TFEC: variants seen among roughly 807,000 people sequenced by gnomAD.
TFEC encodes the protein class E basic helix-loop-helix protein 34.
A neutral mutation model predicts 41.6 loss-of-function variants in TFEC; 31 were observed. The observed-to-expected ratio is 0.74, with a 90% CI of 0.56 to 1.01. The LOEUF (loss-of-function observed/expected upper bound fraction) is 1.01, where lower values mean the gene tolerates loss of function less well. Among genes scored for constraint, TFEC ranks in the 50% least tolerant of loss-of-function variants. The pLI, the probability that TFEC is intolerant of heterozygous loss-of-function variation, is 0.00. For missense variants in TFEC, 402 were observed against 404.1 expected, an observed-to-expected ratio of 0.99 and a Z score of 0.04; for synonymous variants, 143 against 140.6, an observed-to-expected ratio of 1.02 and a Z score of -0.12.
intron 3 of TFEC, among the ~76,000 whole-genome samples, chr7:116,074,355 T>C (rs1796905324): frequency 6.6e-6 from 1 of 151,764 alleles, no homozygotes; most frequent in Non-Finnish European, 1.5e-5. Flanking sequence ...TTGCAAATTA[T>C]ATGCACGACA....
At chr7:116,103,288 G>A (rs1584519353) in intron 3 of TFEC, among the ~76,000 whole-genome samples, 1 of 152,166 alleles carries the variant, frequency 6.6e-6, no homozygotes, top group Non-Finnish European at 1.5e-5. Flanking sequence ...ACACCAGAAA[G>A]TGGAAAGTTC....
intron 1 of TFEC, among the ~76,000 whole-genome samples, chr7:116,155,012 G>A (rs760743948): frequency 9.2e-5 from 14 of 152,220 alleles, no homozygotes; most frequent in Admixed American, 2.6e-4. Flanking sequence ...ATGCACCCCC[G>A]GAAGTCACAA....
At chr7:116,067,556 T>G (rs1467628021) in intron 3 of TFEC, among the ~76,000 whole-genome samples, 1 of 152,044 alleles carries the variant, frequency 6.6e-6, no homozygotes, top group Non-Finnish European at 1.5e-5. Context: ...GGCAATTTCT[T>G]CTTATACAGA....
At chr7:116,057,438 A>G (rs1796455845) in intron 3 of TFEC, among the ~76,000 whole-genome samples, 1 of 152,024 alleles carries the variant, frequency 6.6e-6, no homozygotes, top group African/African-American at 2.4e-5. Flanking sequence ...TATTCAACAA[A>G]GACATATTTT....
intron 1 of TFEC, among the ~76,000 whole-genome samples, chr7:115,992,358 G>C (rs1293798059): frequency 1.3e-5 from 2 of 152,164 alleles, no homozygotes. Context: ...ACTAAGATCA[G>C]AGCAGAACTG....
chr7:116,003,564 A>G (rs769735589), intron 1 of TFEC, among the ~76,000 whole-genome samples: 2 of 152,192 alleles, frequency 1.3e-5, no homozygotes, highest in African/African-American at 2.4e-5. Flanking sequence ...CACTTCTGCC[A>G]GAAATGATTG....
intron 1 of TFEC, among the ~76,000 whole-genome samples, chr7:116,119,927 T>C (rs1464897312): frequency 2.0e-5 from 3 of 151,120 alleles, no homozygotes; most frequent in African/African-American, 7.3e-5. Flanking sequence ...TCAGAATAGT[T>C]AATTACATTG....
Position 115,936,892 on chromosome 7 carries a change from T to A in TFEC, c.*3659A>T, listed in dbSNP as rs920467194. 24 of 151,588 alleles carry A rather than the reference T, an allele frequency of 1.6e-4. No individual in the cohort carries two copies. The highest frequency in any genetic ancestry group is 3.0e-4 in the Non-Finnish European group (20 of 67,680). The allele number at this position is 151,588 out of a possible 1,614,324, so 9.4% of individuals were successfully genotyped here. Reference sequence around the variant, plus strand: ...GGCTATTTATTATTTAGGGCTTTTTTAAAAACCTATATAAAGAAAGCCATG... The same window carrying A: ...GGCTATTTATTATTTAGGGCTTTTTAAAAAACCTATATAAAGAAAGCCATG... On this transcript the variant is annotated 3_prime_UTR_variant, in exon 8 of 8. Coordinates refer to ENST00000265440, the MANE Select transcript of TFEC (RefSeq NM_012252.4).
At chr7:116,127,874 C>T (rs1317209021) in intron 1 of TFEC, among the ~76,000 whole-genome samples, 1 of 151,990 alleles carries the variant, frequency 6.6e-6, no homozygotes, top group Non-Finnish European at 1.5e-5. Context: ...CCACACCCCA[C>T]TTTTATGTTA....
chr7:116,045,303 G>A (rs746713482), intron 3 of TFEC, among the ~76,000 whole-genome samples: 2 of 152,188 alleles, frequency 1.3e-5, no homozygotes, highest in African/African-American at 4.8e-5. Context: ...TGAGACTGGC[G>A]GCATTTTGCC....
chr7:115,937,864 A>G lies in TFEC; in HGVS notation c.*2687T>C, dbSNP rs935603279. On this transcript the variant is annotated 3_prime_UTR_variant, in exon 8 of 8. Transcript: ENST00000265440. ...ATGCATGTGAATTATTGTCCATATA[A>G]ACAGTTCTATACTTTTCTAGGGAGA... 6.6e-6 allele frequency: 1 copy of G among 151,820 alleles called. No individual in the cohort carries two copies. The highest frequency in any genetic ancestry group is 6.6e-5 in the Admixed American group (1 of 15,198). The allele number at this position is 151,820 out of a possible 1,614,324, so 9.4% of individuals were successfully genotyped here.
chr7:116,058,125 T>C (rs1239645630), intron 3 of TFEC, among the ~76,000 whole-genome samples: 2 of 151,856 alleles, frequency 1.3e-5, no homozygotes, highest in East Asian at 3.8e-4. Context: ...CCTAACTATA[T>C]GCTTTCTATA....
Position 115,972,791 on chromosome 7 carries a change from C to A in TFEC, c.267+1379G>T, listed in dbSNP as rs59764052. Reference sequence around the variant, plus strand: ...ATCACCAATTTTTTACTGAGTAAACCATTCTACAAAGACTCTACAAAACAA... The same window carrying A: ...ATCACCAATTTTTTACTGAGTAAACAATTCTACAAAGACTCTACAAAACAA... On this transcript the variant is annotated intron_variant, in intron 3 of 7. Transcript: ENST00000265440. Among the ~76,000 whole-genome samples the A allele has an allele frequency of 2.1e-3, 321 of 151,986 alleles. 8 individuals are homozygous for A. The East Asian group carries it at 0.057, about 27-fold the overall frequency.
intron 3 of TFEC, among the ~76,000 whole-genome samples, chr7:115,959,821 G>C (rs1015051155): frequency 1.3e-5 from 2 of 151,280 alleles, no homozygotes; most frequent in Admixed American, 6.6e-5. Flanking sequence ...AAAAGACTAA[G>C]AAATAGAACA....
chr7:116,083,026 T>C (rs931116251), intron 3 of TFEC, among the ~76,000 whole-genome samples: 1 of 151,892 alleles, frequency 6.6e-6, no homozygotes, highest in African/African-American at 2.4e-5. Flanking sequence ...TTAATAAAGA[T>C]AATGAAATAA....
chr7:115,999,458 C>G (rs910687984), intron 1 of TFEC, among the ~76,000 whole-genome samples: 8 of 151,528 alleles, frequency 5.3e-5, no homozygotes, highest in African/African-American at 1.9e-4. Context: ...AAAGTAAACC[C>G]CAAATTAGTG....
At position 115,966,946 on chromosome 7, in the gene TFEC, T is replaced by C. The variant is rs190600459; in HGVS notation, c.267+7224A>G. 2.6e-3 allele frequency among the ~76,000 whole-genome samples: 400 copies of C among 151,928 alleles called. 2 individuals are homozygous for C. The highest frequency in any genetic ancestry group is 9.1e-3 in the African/African-American group (379 of 41,492). On this transcript the variant is annotated intron_variant, in intron 3 of 7. Coordinates refer to ENST00000265440, the MANE Select transcript of TFEC (RefSeq NM_012252.4). ...AACAAACTTGCAATACATTTTCTAA[T>C]TGAATTTAAATTAATTGTTTTATCT...
At chr7:116,081,436 A>T (rs1428654074) in intron 3 of TFEC, among the ~76,000 whole-genome samples, 4 of 152,068 alleles carry the variant, frequency 2.6e-5, no homozygotes, top group Non-Finnish European at 5.9e-5. Context: ...GTCCGTATCA[A>T]ATCCTCTGCA....
rs562656194 is a variant in TFEC at position 115,984,497 on chromosome 7, T to G, written c.-56A>C. The G allele has an allele frequency of 1.2e-6, 2 of 1,613,828 alleles. No individual in the cohort carries two copies. The highest frequency in any genetic ancestry group is 3.3e-5 in the Admixed American group (2 of 59,936). On this transcript the variant is annotated 5_prime_UTR_variant, in exon 2 of 8. Coordinates refer to ENST00000265440, the MANE Select transcript of TFEC (RefSeq NM_012252.4). The stretch of plus-strand genomic sequence containing the variant: ...CTGTAGCTGAGGCCTTGCAGAACTT[T>G]CCAGGTGTGCTGGGACCTACAAGAT...
Sources: allele counts gnomAD v4.1 joint callset (sites outside exome capture counted in the v4.1 genomes callset), GRCh38; gene constraint gnomAD v4.1.1; transcripts MANE v1.5; gene names NCBI Gene and HGNC (gene_info 2026-07-23, HGNC 2026-07-21).